The following ST7 variants were observed in gnomAD, a reference collection of about 807,000 sequenced individuals.
The protein encoded by ST7 is suppressor of tumorigenicity 7 protein.
A neutral mutation model predicts 78.7 loss-of-function variants in ST7; 28 were observed. The observed-to-expected ratio is 0.36, with a 90% confidence interval of 0.26 to 0.49. The LOEUF is 0.49. Ranked by LOEUF, ST7 falls within the 20% of genes least tolerant of loss-of-function variation. The pLI, the probability that ST7 is intolerant of heterozygous loss-of-function variation, is 0.99. For synonymous variants in ST7, 247 were observed against 249.6 expected (o/e 0.99, Z 0.10); for missense variants, 418 against 696.0 (o/e 0.60, Z 4.49).
intron 10 of ST7, among the ~76,000 whole-genome samples, chr7:117,174,273 G>A (rs567693055): frequency 6.6e-6 from 1 of 152,264 alleles, no homozygotes; most frequent in East Asian, 1.9e-4. Flanking sequence ...GCTGATCCTG[G>A]TTCTATAATG....
At chr7:117,225,857 G>A (rs1462318924) in intron 15 of ST7, among the ~76,000 whole-genome samples, 2 of 152,248 alleles carry the variant, frequency 1.3e-5, no homozygotes, top group African/African-American at 2.4e-5. Context: ...ATAGTGGAAA[G>A]AGCAGCTTCC....
chr7:117,053,364 C>T (rs1271332882), intron 1 of ST7, among the ~76,000 whole-genome samples: 1 of 152,212 alleles, frequency 6.6e-6, no homozygotes, highest in African/African-American at 2.4e-5. Flanking sequence ...TCGAAGGTGC[C>T]AGAGTTAAAC....
At chr7:117,044,703 G>A (rs1033270309) in intron 1 of ST7, among the ~76,000 whole-genome samples, 3 of 152,136 alleles carry the variant, frequency 2.0e-5, no homozygotes, top group Non-Finnish European at 4.4e-5. Flanking sequence ...ACTGTTGTCA[G>A]TGCCAAGAGT....
intron 1 of ST7, among the ~76,000 whole-genome samples, chr7:117,032,526 C>T (rs1796657055): frequency 6.6e-6 from 1 of 152,066 alleles, no homozygotes; most frequent in African/African-American, 2.4e-5. Context: ...TGAAACCAGA[C>T]TTTTCTCTAA....
At chr7:117,153,671 A>G (rs1452143458) in intron 9 of ST7, among the ~76,000 whole-genome samples, 1 of 152,214 alleles carries the variant, frequency 6.6e-6, no homozygotes, top group Non-Finnish European at 1.5e-5. Context: ...ACAATTACTC[A>G]GTAAATATTT....
chr7:116,990,138 A>G (rs541413579), intron 1 of ST7, among the ~76,000 whole-genome samples: 7 of 152,182 alleles, frequency 4.6e-5, no homozygotes, highest in Non-Finnish European at 1.0e-4. Flanking sequence ...GGGTTTCACC[A>G]TGTTAGCCAG....
chr7:117,149,725 C>T (rs1806107185), intron 9 of ST7, among the ~76,000 whole-genome samples: 1 of 149,362 alleles, frequency 6.7e-6, no homozygotes, highest in African/African-American at 2.5e-5. Flanking sequence ...TGTGTCTTTC[C>T]TCCTTTTTCT....
chr7:117,169,136 C>CT (rs1491294527), intron 9 of ST7, among the ~76,000 whole-genome samples: 4 of 141,222 alleles, frequency 2.8e-5, no homozygotes, highest in East Asian at 2.0e-4. Context: ...TAATCTTCTT[C>CT]CTTTTTTTTT....
At chr7:116,988,070 T>C (rs536364959) in intron 1 of ST7, among the ~76,000 whole-genome samples, 1 of 152,366 alleles carries the variant, frequency 6.6e-6, no homozygotes, top group African/African-American at 2.4e-5. Context: ...AGTCCTAATA[T>C]AATGAATCAT....
At chr7:117,085,616 C>G (rs879023447) in intron 1 of ST7, among the ~76,000 whole-genome samples, 1 of 152,196 alleles carries the variant, frequency 6.6e-6, no homozygotes, top group Admixed American at 6.5e-5. Flanking sequence ...CAAGTACTCT[C>G]AAAGTGTTCC....
chr7:117,007,551 A>G (rs935535711), intron 1 of ST7, among the ~76,000 whole-genome samples: 2 of 152,248 alleles, frequency 1.3e-5, no homozygotes, highest in African/African-American at 4.8e-5. Context: ...CAAATTATCA[A>G]GAAGGTCTAG....
chr7:117,047,256 T>C (rs894552537), intron 1 of ST7, among the ~76,000 whole-genome samples: 1 of 152,192 alleles, frequency 6.6e-6, no homozygotes, highest in African/African-American at 2.4e-5. Context: ...AAGTTATAAG[T>C]TGAAAATGTT....
intron 9 of ST7, among the ~76,000 whole-genome samples, chr7:117,151,774 C>G (rs1442258827): frequency 6.6e-6 from 1 of 152,068 alleles, no homozygotes; most frequent in African/African-American, 2.4e-5. Context: ...GAGGGGTACA[C>G]TTTCCACCCC....
At chr7:117,062,478 G>A (rs1798411388) in intron 1 of ST7, among the ~76,000 whole-genome samples, 2 of 152,178 alleles carry the variant, frequency 1.3e-5, no homozygotes, top group African/African-American at 4.8e-5. Context: ...TACTCACTGT[G>A]ATATGAAATT....
At chr7:117,128,085 G>T (rs537837385) in intron 3 of ST7, among the ~76,000 whole-genome samples, 1 of 151,924 alleles carries the variant, frequency 6.6e-6, no homozygotes, top group East Asian at 1.9e-4. Flanking sequence ...AAATGTCCTT[G>T]TTTTATAGTA....
intron 12 of ST7, among the ~76,000 whole-genome samples, chr7:117,202,879 C>A (rs1331733921): frequency 6.6e-6 from 1 of 152,026 alleles, no homozygotes; most frequent in Non-Finnish European, 1.5e-5. Flanking sequence ...TTCCCCCCCT[C>A]AGTATCTGCA....
chr7:117,156,363 G>C (rs546570711), intron 9 of ST7, among the ~76,000 whole-genome samples: 3 of 152,300 alleles, frequency 2.0e-5, no homozygotes, highest in Admixed American at 6.5e-5. Context: ...CAACTTGGTG[G>C]TGGTCATACC....
intron 1 of ST7, among the ~76,000 whole-genome samples, chr7:116,996,150 C>T (rs887954287): frequency 4.1e-5 from 6 of 147,856 alleles, no homozygotes; most frequent in Non-Finnish European, 7.4e-5. Flanking sequence ...GGCACAGTCT[C>T]AGCTCACTGC....
intron 1 of ST7, among the ~76,000 whole-genome samples, chr7:117,065,777 T>G (rs1201563689): frequency 6.6e-6 from 1 of 152,226 alleles, no homozygotes; most frequent in East Asian, 1.9e-4. Context: ...ATTCAGATCA[T>G]GCCATCCTTC....
Sources: gnomAD v4.1 joint callset for allele counts (sites outside exome capture counted in the v4.1 genomes callset) on GRCh38, gnomAD v4.1.1 for gene constraint, MANE v1.5 for transcripts, NCBI Gene and HGNC (gene_info 2026-07-23, HGNC 2026-07-21) for gene names.